The following ZNRF3 variants were observed in gnomAD, a reference collection of about 807,000 sequenced individuals.
ZNRF3 encodes E3 ubiquitin-protein ligase ZNRF3.
In ZNRF3, 23 loss-of-function variants were observed where a neutral mutation model predicts 72.5. The ratio of observed to expected loss-of-function variants is 0.32; its 90% confidence interval spans 0.23 to 0.45. The LOEUF (loss-of-function observed/expected upper bound fraction) is 0.45. ZNRF3 is among the 20% of genes least tolerant of loss of function. The pLI is 1.00. For synonymous variants in ZNRF3, 610 were observed against 545.3 expected, an observed-to-expected ratio of 1.12 and a Z score of -1.65; for missense variants, 1,169 against 1,272.1, an observed-to-expected ratio of 0.92 and a Z score of 1.23.
intron 1 of ZNRF3, among the ~76,000 whole-genome samples, chr22:28,908,742 A>G (rs2034260083): frequency 6.6e-6 from 1 of 152,204 alleles, no homozygotes; most frequent in Non-Finnish European, 1.5e-5. Flanking sequence ...GAAGGCCTGC[A>G]TTAATAATAC....
intron 2 of ZNRF3, among the ~76,000 whole-genome samples, chr22:28,996,129 G>A (rs934897207): frequency 5.3e-5 from 8 of 151,346 alleles, no homozygotes; most frequent in Admixed American, 2.6e-4. Flanking sequence ...TTTCGAGGCA[G>A]GGTCTTACTA....
chr22:28,896,053 C>A (rs534866622), intron 1 of ZNRF3, among the ~76,000 whole-genome samples: 1 of 152,060 alleles, frequency 6.6e-6, no homozygotes, highest in Non-Finnish European at 1.5e-5. Flanking sequence ...TGGGTTCAAG[C>A]GATTCTCCTG....
chr22:29,052,201 ACTT>A (rs1195192034), intron 8 of ZNRF3, among the ~76,000 whole-genome samples: 1 of 152,170 alleles, frequency 6.6e-6, no homozygotes, highest in East Asian at 1.9e-4. Context: ...AAATGTATCT[ACTT>A]CTCTGCACTC....
chr22:29,031,349 C>T (rs73882436), intron 2 of ZNRF3: 5,237 of 152,552 alleles, frequency 0.034, 162 homozygotes, highest in African/African-American at 0.088. Context: ...TCCTCTTCTA[C>T]CACCACCACC....
At chr22:28,932,507 T>A (rs2034724685) in intron 1 of ZNRF3, among the ~76,000 whole-genome samples, 1 of 151,998 alleles carries the variant, frequency 6.6e-6, no homozygotes, top group Non-Finnish European at 1.5e-5. Flanking sequence ...AGTGTGAGAG[T>A]GTAGTAGCCA....
chr22:28,975,850 C>A (rs1372547995), intron 1 of ZNRF3, among the ~76,000 whole-genome samples: 3 of 150,854 alleles, frequency 2.0e-5, no homozygotes, highest in Non-Finnish European at 4.4e-5. Flanking sequence ...CAGACCGCTT[C>A]CCCCCAAATT....
chr22:29,049,101 C>T lies in ZNRF3; in HGVS notation c.1016-96C>T. On this transcript the variant is annotated intron_variant, in intron 7 of 8. Transcript: ENST00000544604. The surrounding 1 kb of genome is among the most constrained non-coding windows in gnomAD (Gnocchi z 5.2). Reference sequence around the variant, plus strand: ...TGGGTACCTTGGCAGGTGACCAAGCCTGCTGCTTCAGCCTTTGCCCGTTTT... The same window carrying T: ...TGGGTACCTTGGCAGGTGACCAAGCTTGCTGCTTCAGCCTTTGCCCGTTTT... 7.2e-7 allele frequency: 1 copy of T among 1,383,956 alleles called. No individual in the cohort carries two copies. Among genetic ancestry groups the T allele is most frequent in the South Asian group, 1.4e-5 (1 of 71,642 alleles). 85.7% of individuals were successfully genotyped at this position (1,383,956 alleles called of 1,614,324 possible).
intron 2 of ZNRF3, among the ~76,000 whole-genome samples, chr22:29,013,661 A>T (rs1196521670): frequency 6.6e-6 from 1 of 152,182 alleles, no homozygotes. Flanking sequence ...GGTCCCTGAT[A>T]ATTTGGATGT....
intron 1 of ZNRF3, among the ~76,000 whole-genome samples, chr22:28,948,140 G>T (rs1372161243): frequency 2.0e-5 from 3 of 151,784 alleles, no homozygotes; most frequent in Non-Finnish European, 1.5e-5. Flanking sequence ...ACTGCGCCTG[G>T]CTACAAATAA....
In ZNRF3 at chr22:29,042,534, T is replaced by C; in HGVS notation, c.466T>C (p.Phe156Leu). Reference protein sequence around the residue: ...AVQRGATAVIFDVSENPEAID... With the variant: ...AVQRGATAVILDVSENPEAID... Reference sequence around the variant, plus strand: ...ACAGCGGGGAGCTACTGCAGTCATCTTTGATGTGTCTGAAAACCCAGAAGC... The same window carrying C: ...ACAGCGGGGAGCTACTGCAGTCATCCTTGATGTGTCTGAAAACCCAGAAGC... Residue 156 changes from phenylalanine to leucine, a missense_variant, in exon 3 of 9, where the codon TTT (phenylalanine) becomes CTT (leucine). By Grantham distance (22) the Phe-to-Leu change is conservative. This residue lies in a region of ZNRF3 where 386 missense variants were observed against 540.7 expected (regional missense o/e 0.71). Coordinates refer to ENST00000544604, the MANE Select transcript of ZNRF3 (RefSeq NM_001206998.2). The C allele has an allele frequency of 6.2e-7, 1 of 1,613,824 alleles. No individual in the cohort carries two copies. Among genetic ancestry groups the C allele is most frequent in the African/African-American group, 1.3e-5 (1 of 75,036 alleles).
intron 1 of ZNRF3, among the ~76,000 whole-genome samples, chr22:28,975,507 C>CAAAAAA (rs71316877): frequency 2.1e-5 from 1 of 47,850 alleles, no homozygotes; most frequent in African/African-American, 9.8e-5. Flanking sequence ...TACTCTGTCT[C>CAAAAAA]AAAAAAAAAA....
chr22:29,001,472 C>CTTTTT lies in ZNRF3; in HGVS notation c.426+14284_426+14288dup, dbSNP rs750297109. Among the ~76,000 whole-genome samples, 393 of 125,000 alleles carry CTTTTT rather than the reference C, an allele frequency of 3.1e-3. 17 individuals carry two copies. The East Asian group carries it at 0.072, about 23-fold the overall frequency. 82.0% of individuals were successfully genotyped at this position (125,000 alleles called of 152,430 possible). ...CCTTTGCAACCCAAGATTTTTTAAA[C>CTTTTT]TTTTTTTTTTTTTTTTTGAGATGGA... On this transcript the variant is annotated intron_variant, in intron 2 of 8. Coordinates refer to ENST00000544604, the MANE Select transcript of ZNRF3 (RefSeq NM_001206998.2).
chr22:28,991,292 AAAAAAAAAAAAAAAAAAAAG>A (rs2035949121), intron 2 of ZNRF3, among the ~76,000 whole-genome samples: 1 of 142,888 alleles, frequency 7.0e-6, no homozygotes, highest in Admixed American at 6.8e-5. Context: ...AAAAAAAAAA[AAAAAAAAAAAAAAAAAAAAG>A]AAGAACAGTA....
At position 28,884,017 on chromosome 22, in the gene ZNRF3, G is replaced by A. The variant is rs1207762965; in HGVS notation, c.251G>A (p.Arg84His). 3.0e-6 allele frequency: 4 copies of A among 1,313,830 alleles called. No homozygotes were observed. The highest frequency in any genetic ancestry group is 2.7e-5 in the Admixed American group (1 of 37,486). 81.4% of individuals were successfully genotyped at this position (1,313,830 alleles called of 1,614,324 possible). A position where few individuals can be genotyped will look rare whatever the true frequency, so the allele number is the denominator to read the frequency against. Residue 84 changes from arginine (R) to histidine (H), a missense_variant, in exon 1 of 9, where the codon CGC becomes CAC. Physicochemically the swap from Arg to His is conservative, Grantham distance 29. This residue lies in a region of ZNRF3 where 386 missense variants were observed against 540.7 expected (regional missense o/e 0.71). Coordinates refer to ENST00000544604, the MANE Select transcript of ZNRF3 (RefSeq NM_001206998.2). ...YTTYTTGLTG[R>H]FSRAGATLSA... ...ACCTACACCACCGGCCTCACGGGCCGCTTCTCGCGGGCCGGGGCCACGCTC... is the reference window on the plus strand; with the variant it reads ...ACCTACACCACCGGCCTCACGGGCCACTTCTCGCGGGCCGGGGCCACGCTC...
chr22:29,041,486 C>A (rs2036961199), intron 2 of ZNRF3, among the ~76,000 whole-genome samples: 1 of 152,170 alleles, frequency 6.6e-6, no homozygotes, highest in Admixed American at 6.6e-5. Context: ...CCCCACCTCC[C>A]CCAAAAAGAA....
rs1045269874 is a variant in ZNRF3, at chr22:28,997,738, A to C, written c.426+10537A>C. On this transcript the variant is annotated intron_variant, in intron 2 of 8. Transcript: ENST00000544604. ...TAAAAAAAGAATAAAGTGGCTGGGT[A>C]CAGTGGCTCACACCTATAATCCCAG... 1.2e-4 allele frequency among the ~76,000 whole-genome samples: 18 copies of C among 152,256 alleles called. No individual in the cohort carries two copies. The East Asian group carries it at 1.7e-3, about 15-fold the overall frequency.
chr22:28,938,028 T>G (rs2034873711), intron 1 of ZNRF3, among the ~76,000 whole-genome samples: 1 of 152,212 alleles, frequency 6.6e-6, no homozygotes, highest in Non-Finnish European at 1.5e-5. Flanking sequence ...GATACATTAC[T>G]GTTAACTCCA....
intron 1 of ZNRF3, among the ~76,000 whole-genome samples, chr22:28,956,353 CTTTTTTTTTTT>C (rs61155224): frequency 7.2e-5 from 8 of 110,450 alleles, no homozygotes; most frequent in South Asian, 3.0e-4. Flanking sequence ...TTTCCATTTC[CTTTTTTTTTTT>C]TTTTTTTTTT....
chr22:28,915,135 A>G (rs560948434), intron 1 of ZNRF3, among the ~76,000 whole-genome samples: 53 of 152,348 alleles, frequency 3.5e-4, no homozygotes, highest in Middle Eastern at 3.4e-3. Context: ...TTGCTATAAC[A>G]AAGTACCACT....
Sources: gnomAD v4.1 joint callset for allele counts (sites outside exome capture counted in the v4.1 genomes callset) on GRCh38, gnomAD v4.1.1 for gene constraint, gnomAD v4.1.1 regional missense constraint, Gnocchi (gnomAD v3.1) non-coding constraint, MANE v1.5 for transcripts, NCBI Gene and HGNC (gene_info 2026-07-23, HGNC 2026-07-21) for gene names.